The following GABRG1 variants were observed in gnomAD, a reference collection of about 807,000 sequenced individuals.
GABRG1 encodes gamma-aminobutyric acid receptor subunit gamma-1.
In GABRG1, 49 loss-of-function variants were observed where a neutral mutation model predicts 49.8. That is an observed-to-expected ratio of 0.98 (90% CI 0.78 to 1.25). GABRG1 has a LOEUF of 1.25. GABRG1 is among the 50% of genes most tolerant of loss of function. GABRG1 has a pLI of 0.00. For missense variants in GABRG1, 552 were observed against 552.3 expected, an observed-to-expected ratio of 1.00 and a Z score of 0.01; for synonymous variants, 232 against 185.1, an observed-to-expected ratio of 1.25 and a Z score of -2.06.
At chr4:46,061,982 C>G (rs1281070172) in intron 5 of GABRG1, among the ~76,000 whole-genome samples, 1 of 150,474 alleles carries the variant, frequency 6.6e-6, no homozygotes, top group Non-Finnish European at 1.5e-5. Context: ...CCCATTAACT[C>G]ATCATTTAGC....
chr4:46,041,395 T>C (rs1717777686), intron 8 of GABRG1, 141 bp from the exon 9 acceptor site: 2 of 715,568 alleles, frequency 2.8e-6, no homozygotes, highest in Admixed American at 3.2e-5. Context: ...TTTTCAATTA[T>C]AACATGTTTT....
intron 2 of GABRG1, among the ~76,000 whole-genome samples, chr4:46,091,889 T>A (rs1395825615): frequency 1.3e-5 from 2 of 151,952 alleles, no homozygotes. Flanking sequence ...AATAAAATGG[T>A]AGAAAATCAA....
At chr4:46,043,891 C>T (rs1717882265) in intron 8 of GABRG1, among the ~76,000 whole-genome samples, 1 of 151,582 alleles carries the variant, frequency 6.6e-6, no homozygotes, top group Admixed American at 6.6e-5. Flanking sequence ...ATACTAATAT[C>T]AAATAAATGG....
In GABRG1 at chr4:46,040,763, T is replaced by G; in HGVS notation, c.*225A>C. ...TAAAGAAAATTTAAGTAAAAATATG[T>G]GAGTATTTTAACCTACTGGATTTTG... On this transcript the variant is annotated 3_prime_UTR_variant, in exon 9 of 9. Coordinates refer to ENST00000295452, the MANE Select transcript of GABRG1 (RefSeq NM_173536.4). 1 of 358,410 alleles carries G rather than the reference T, an allele frequency of 2.8e-6. No individual in the cohort carries two copies. 22.2% of individuals were successfully genotyped at this position (358,410 alleles called of 1,614,324 possible).
At chr4:46,048,481 C>T (rs1301007593) in intron 8 of GABRG1, among the ~76,000 whole-genome samples, 3 of 146,006 alleles carry the variant, frequency 2.1e-5, no homozygotes, top group Non-Finnish European at 4.5e-5. Context: ...TTCAGGGAAG[C>T]ATCATATGGC....
At chr4:46,106,908 AT>A (rs905313398) in intron 1 of GABRG1, among the ~76,000 whole-genome samples, 4 of 151,126 alleles carry the variant, frequency 2.6e-5, no homozygotes, top group Admixed American at 6.6e-5. Flanking sequence ...ACATTTAATC[AT>A]TTTTTTAATT....
rs558585905 is a variant in GABRG1, at chr4:46,100,888, A to C, written c.105-3539T>G. Among the ~76,000 whole-genome samples, 46 of 151,296 alleles carry C rather than the reference A, an allele frequency of 3.0e-4. No individual in the cohort carries two copies. The South Asian group carries it at 5.0e-3, about 16-fold the overall frequency. ...TTCCTCAGTTTCGGCAATAACATAAAAGAAATTTCATTATAGGTAATTTAT... is the reference window on the plus strand; with the variant it reads ...TTCCTCAGTTTCGGCAATAACATAACAGAAATTTCATTATAGGTAATTTAT... On this transcript the variant is annotated intron_variant, in intron 1 of 8. Coordinates refer to ENST00000295452, the MANE Select transcript of GABRG1 (RefSeq NM_173536.4).
At chr4:46,042,498 C>A (rs777403993) in intron 8 of GABRG1, among the ~76,000 whole-genome samples, 3 of 151,850 alleles carry the variant, frequency 2.0e-5, no homozygotes, top group Admixed American at 2.0e-4. Flanking sequence ...TTAAATATAG[C>A]GCCAATTTTA....
chr4:46,100,592 C>A (rs918665896), intron 1 of GABRG1, among the ~76,000 whole-genome samples: 4 of 150,798 alleles, frequency 2.7e-5, no homozygotes, highest in African/African-American at 9.7e-5. Flanking sequence ...GGTTTTCATT[C>A]ACCTCTAAAT....
intron 5 of GABRG1, among the ~76,000 whole-genome samples, chr4:46,061,879 T>TA (rs1718704453): frequency 6.6e-6 from 1 of 151,758 alleles, no homozygotes; most frequent in Non-Finnish European, 1.5e-5. Flanking sequence ...ATTTTATTTT[T>TA]TTTATTATTA....
rs148322075 is a variant in GABRG1 at position 46,051,707 on chromosome 4, G to T, written c.917-69C>A. ...CACATTTATTCTTCCATCTGATTTG[G>T]CAATATTGTGAGTGAAATTAAACAA... On this transcript the variant is annotated intron_variant, in intron 7 of 8. Transcript: ENST00000295452. 6.1e-5 allele frequency: 58 copies of T among 949,842 alleles called. No homozygotes were observed. In the African/African-American group the frequency reaches 9.3e-4, roughly 15 times the overall value. The allele number at this position is 949,842 out of a possible 1,614,324, so 58.8% of individuals were successfully genotyped here. A position where few individuals can be genotyped will look rare whatever the true frequency, so the allele number is the denominator to read the frequency against.
chr4:46,061,341 T>C (rs944847848), intron 5 of GABRG1, among the ~76,000 whole-genome samples: 1 of 151,706 alleles, frequency 6.6e-6, no homozygotes, highest in African/African-American at 2.4e-5. Context: ...AGAATATCAT[T>C]AATAAAAGGC....
At chr4:46,117,628 A>T (rs1189757651) in intron 1 of GABRG1, among the ~76,000 whole-genome samples, 1 of 144,160 alleles carries the variant, frequency 6.9e-6, no homozygotes, top group Non-Finnish European at 1.5e-5. Context: ...ATATATACAC[A>T]TATGTATACA....
intron 3 of GABRG1, among the ~76,000 whole-genome samples, chr4:46,070,343 G>A (rs1185873905): frequency 1.3e-5 from 2 of 151,636 alleles, no homozygotes; most frequent in East Asian, 3.9e-4. Flanking sequence ...AATCAAAAGA[G>A]TAAAATATCA....
In GABRG1 at chr4:46,056,124, G is replaced by GA. The variant is rs1169065450; in HGVS notation, c.916+2092dup. Reference sequence around the variant, plus strand: ...TATAATAAAAAAAAAAAAAAGAAAGGAAAAAAAAAAAAATAAATAAATAAA... The same window carrying GA: ...TATAATAAAAAAAAAAAAAAGAAAGGAAAAAAAAAAAAAATAAATAAATAAA... On this transcript the variant is annotated intron_variant, in intron 7 of 8. Coordinates refer to ENST00000295452, the MANE Select transcript of GABRG1 (RefSeq NM_173536.4). Among the ~76,000 whole-genome samples the GA allele has an allele frequency of 1.2e-3, 9 of 7,644 alleles. No individual in the cohort carries two copies. In the East Asian group the frequency reaches 0.016, roughly 14 times the overall value. 5.0% of individuals were successfully genotyped at this position (7,644 alleles called of 152,430 possible). A position where few individuals can be genotyped will look rare whatever the true frequency, so the allele number is the denominator to read the frequency against.
At chr4:46,070,795 T>C (rs976789483) in intron 3 of GABRG1, among the ~76,000 whole-genome samples, 10 of 152,030 alleles carry the variant, frequency 6.6e-5, no homozygotes, top group African/African-American at 2.4e-4. Flanking sequence ...GCAGCCTGAG[T>C]CTCTTCTTCC....
At chr4:46,060,050 G>T (rs772393692) in intron 5 of GABRG1, among the ~76,000 whole-genome samples, 2 of 152,158 alleles carry the variant, frequency 1.3e-5, no homozygotes, top group Non-Finnish European at 1.5e-5. Flanking sequence ...TAGAACGGAG[G>T]TCTATCCTTT....
intron 5 of GABRG1, among the ~76,000 whole-genome samples, chr4:46,059,114 A>G (rs1459182530): frequency 6.6e-6 from 1 of 152,088 alleles, no homozygotes; most frequent in Non-Finnish European, 1.5e-5. Flanking sequence ...ATATATTGTG[A>G]TAGTCATCAA....
chr4:46,060,202 C>T (rs1718620544), intron 5 of GABRG1, among the ~76,000 whole-genome samples: 1 of 151,602 alleles, frequency 6.6e-6, no homozygotes, highest in African/African-American at 2.4e-5. Flanking sequence ...GAAGAATCAT[C>T]TCACCCTGTA....
Sources: gnomAD v4.1 joint callset for allele counts (sites outside exome capture counted in the v4.1 genomes callset) on GRCh38, gnomAD v4.1.1 for gene constraint, MANE v1.5 for transcripts, NCBI Gene and HGNC (gene_info 2026-07-23, HGNC 2026-07-21) for gene names.